CNTNAP2: variants seen among roughly 807,000 people sequenced by gnomAD.
CNTNAP2 encodes the protein contactin associated protein 2.
Under a neutral mutation model 155.2 loss-of-function variants are expected in CNTNAP2, and 98 were observed. The ratio of observed to expected loss-of-function variants is 0.63; its 90% CI spans 0.54 to 0.75. The LOEUF (loss-of-function observed/expected upper bound fraction) is 0.75. Among genes scored for constraint, CNTNAP2 ranks in the 30% least tolerant of loss-of-function variants. CNTNAP2 has a pLI of 0.00. For missense variants in CNTNAP2, 1,727 were observed against 1,688.1 expected, an observed-to-expected ratio of 1.02 and a Z score of -0.40; for synonymous variants, 651 against 631.2, an observed-to-expected ratio of 1.03 and a Z score of -0.47.
intron 8 of CNTNAP2, among the ~76,000 whole-genome samples, chr7:147,256,400 A>G (rs1804328621): frequency 6.6e-6 from 1 of 152,156 alleles, no homozygotes; most frequent in Non-Finnish European, 1.5e-5. Context: ...ATTTAACATT[A>G]CAGCTTTCTG....
At chr7:147,211,777 T>C (rs992409449) in intron 8 of CNTNAP2, among the ~76,000 whole-genome samples, 5 of 151,988 alleles carry the variant, frequency 3.3e-5, no homozygotes, top group African/African-American at 4.8e-5. Flanking sequence ...TCAAACACAA[T>C]TGCAACAAAA....
rs189297733 is a variant in CNTNAP2 at position 147,035,092 on chromosome 7, G to T, written c.403-8815G>T. Among the ~76,000 whole-genome samples the T allele has an allele frequency of 2.6e-4, 40 of 152,226 alleles. No individual in the cohort carries two copies. In the East Asian group the frequency reaches 7.7e-3, roughly 29 times the overall value. ...TTTAATCAGTAGAGTCCTGACTGGTGCTCAGAAAAAAAGTCCTGCTGATCT... is the reference window on the plus strand; with the variant it reads ...TTTAATCAGTAGAGTCCTGACTGGTTCTCAGAAAAAAAGTCCTGCTGATCT... On this transcript the variant is annotated intron_variant, in intron 3 of 23. Coordinates refer to ENST00000361727, the MANE Select transcript of CNTNAP2 (RefSeq NM_014141.6).
At position 147,766,180 on chromosome 7, in the gene CNTNAP2, T is replaced by A. The variant is rs1797380465; in HGVS notation, c.2098+126874T>A. ...GATGTATGCATTTATCAAAACTAAT[T>A]GAACTGTACACTTTAAATGAGTATC... is the stretch of plus-strand genomic sequence containing the variant. On this transcript the variant is annotated intron_variant, in intron 13 of 23. Coordinates refer to ENST00000361727, the MANE Select transcript of CNTNAP2 (RefSeq NM_014141.6). Among the ~76,000 whole-genome samples, 3 of 152,154 alleles carry A rather than the reference T, an allele frequency of 2.0e-5. No homozygotes were observed. In the South Asian group the frequency reaches 6.2e-4, roughly 32 times the overall value.
chr7:147,959,523 A>G (rs576370297), intron 14 of CNTNAP2, among the ~76,000 whole-genome samples: 17 of 152,266 alleles, frequency 1.1e-4, no homozygotes, highest in Non-Finnish European at 2.1e-4. Flanking sequence ...CAGTTCTGTG[A>G]TTGCTCCCAC....
chr7:147,733,693 A>C (rs1796786261), intron 13 of CNTNAP2, among the ~76,000 whole-genome samples: 1 of 152,076 alleles, frequency 6.6e-6, no homozygotes, highest in Admixed American at 6.6e-5. Context: ...CTTTTATTTC[A>C]TTGAACAATG....
At chr7:148,372,135 G>A (rs534210809) in intron 21 of CNTNAP2, among the ~76,000 whole-genome samples, 32 of 152,150 alleles carry the variant, frequency 2.1e-4, no homozygotes, top group Non-Finnish European at 2.4e-4. Context: ...CTGGGAGTTG[G>A]AGGTTGCAGT....
chr7:146,302,857 T>C (rs1353700205), intron 1 of CNTNAP2, among the ~76,000 whole-genome samples: 1 of 152,166 alleles, frequency 6.6e-6, no homozygotes, highest in African/African-American at 2.4e-5. Context: ...GAGACATATT[T>C]GTTATTCAAA....
chr7:147,053,679 C>A (rs536144586), intron 4 of CNTNAP2, among the ~76,000 whole-genome samples: 12 of 152,116 alleles, frequency 7.9e-5, no homozygotes, highest in African/African-American at 2.4e-4. Flanking sequence ...TAACAGTATA[C>A]TTTCTAGAAT....
intron 3 of CNTNAP2, among the ~76,000 whole-genome samples, chr7:146,902,398 C>A (rs1389873461): frequency 6.6e-6 from 1 of 152,150 alleles, no homozygotes; most frequent in Non-Finnish European, 1.5e-5. Flanking sequence ...TACATTTCTT[C>A]TAGTACTTAA....
At chr7:146,645,519 C>T (rs111868054) in intron 1 of CNTNAP2, among the ~76,000 whole-genome samples, 2 of 152,052 alleles carry the variant, frequency 1.3e-5, no homozygotes, top group African/African-American at 4.8e-5. Flanking sequence ...AGGGAACATC[C>T]CTGTGGGTAT....
At chr7:147,731,305 C>T (rs1310638708) in intron 13 of CNTNAP2, among the ~76,000 whole-genome samples, 1 of 152,036 alleles carries the variant, frequency 6.6e-6, no homozygotes, top group Admixed American at 6.6e-5. Context: ...AAAGGACAGA[C>T]CTTGTTAGGT....
chr7:146,661,927 A>G (rs1800096792), intron 1 of CNTNAP2, among the ~76,000 whole-genome samples: 1 of 152,172 alleles, frequency 6.6e-6, no homozygotes, highest in Non-Finnish European at 1.5e-5. Flanking sequence ...GCCAAAAAAT[A>G]TAAAAGTTTT....
intron 21 of CNTNAP2, among the ~76,000 whole-genome samples, chr7:148,359,934 C>A (rs928995453): frequency 1.3e-5 from 2 of 152,124 alleles, no homozygotes; most frequent in Non-Finnish European, 2.9e-5. Flanking sequence ...GGACTTTTCT[C>A]CAGATGTGAA....
chr7:147,446,119 CTTTCTTT>C (rs1563206804), intron 10 of CNTNAP2, among the ~76,000 whole-genome samples: 1 of 136,330 alleles, frequency 7.3e-6, no homozygotes, highest in African/African-American at 2.6e-5. Flanking sequence ...CTCTTTGTTT[CTTTCTTT>C]TTTTTTTTTT....
intron 1 of CNTNAP2, among the ~76,000 whole-genome samples, chr7:146,542,257 C>T (rs942219055): frequency 1.3e-5 from 2 of 151,754 alleles, no homozygotes; most frequent in African/African-American, 4.8e-5. Flanking sequence ...GGCAGCTAGG[C>T]TATAAGGGGA....
intron 1 of CNTNAP2, among the ~76,000 whole-genome samples, chr7:146,189,962 A>G (rs539380733): frequency 1.2e-3 from 176 of 152,288 alleles, no homozygotes; most frequent in African/African-American, 4.2e-3. Context: ...GATCCCATAA[A>G]TTACTTTAAT....
At chr7:147,942,232 T>TA (rs987456000) in intron 14 of CNTNAP2, among the ~76,000 whole-genome samples, 2 of 152,272 alleles carry the variant, frequency 1.3e-5, no homozygotes, top group Non-Finnish European at 1.5e-5. Flanking sequence ...TCTGATCTCT[T>TA]AACCCACCTG....
chr7:148,293,767 G>C (rs182676132), intron 21 of CNTNAP2, among the ~76,000 whole-genome samples: 75 of 152,146 alleles, frequency 4.9e-4, no homozygotes, highest in African/African-American at 1.8e-3. Context: ...GGGCACAGTG[G>C]CTCACATCTG....
At chr7:146,953,463 G>A (rs1460274656) in intron 3 of CNTNAP2, among the ~76,000 whole-genome samples, 1 of 151,776 alleles carries the variant, frequency 6.6e-6, no homozygotes, top group Non-Finnish European at 1.5e-5. Flanking sequence ...ATAAATTATT[G>A]CATTTGTCAT....
Sources: allele counts gnomAD v4.1 joint callset (sites outside exome capture counted in the v4.1 genomes callset), GRCh38; gene constraint gnomAD v4.1.1; transcripts MANE v1.5; gene names NCBI Gene and HGNC (gene_info 2026-07-23, HGNC 2026-07-21).